Variants in HYAL4 observed in about 807,000 individuals in gnomAD.
HYAL4 encodes the protein hyaluronidase-4.
Under a neutral mutation model 35.2 loss-of-function variants are expected in HYAL4, and 37 were observed. That is an observed-to-expected ratio of 1.05 (90% CI 0.81 to 1.38). HYAL4 has a LOEUF of 1.38. HYAL4 is among the 40% of genes most tolerant of loss of function. The pLI is 0.00. For missense variants in HYAL4, 572 were observed against 572.4 expected (o/e 1.00, Z 0.01); for synonymous variants, 198 against 203.2 (o/e 0.97, Z 0.22).
chr7:123,814,694 T>G, the HYAL4 span: 3 of 152,608 alleles, frequency 2.0e-5, no homozygotes, highest in Non-Finnish European at 4.4e-5. Context: ...TGGAAAAAAT[T>G]TCATGAACAT....
At chr7:123,821,992 C>G in the HYAL4 span, among the ~76,000 whole-genome samples, 1 of 152,068 alleles carries the variant, frequency 6.6e-6, no homozygotes, top group Admixed American at 6.6e-5. Flanking sequence ...CTATTCTGTT[C>G]CTGTGACTTG....
At chr7:123,864,477 C>G (rs1308976469) in intron 2 of HYAL4, among the ~76,000 whole-genome samples, 1 of 152,062 alleles carries the variant, frequency 6.6e-6, no homozygotes, top group Non-Finnish European at 1.5e-5. Context: ...TTTACAGGAG[C>G]ACATTTGCCT....
chr7:123,838,021 TG>T (rs1454498936), intron 1 of HYAL4, among the ~76,000 whole-genome samples: 1 of 152,180 alleles, frequency 6.6e-6, no homozygotes, highest in Non-Finnish European at 1.5e-5. Context: ...TATAATCCTT[TG>T]GGTATACACC....
At chr7:123,855,104 G>T (rs539585332) in intron 2 of HYAL4, among the ~76,000 whole-genome samples, 1 of 152,030 alleles carries the variant, frequency 6.6e-6, no homozygotes, top group Non-Finnish European at 1.5e-5. Context: ...GTCTTTACAC[G>T]TGTGATGGTT....
the HYAL4 span, among the ~76,000 whole-genome samples, chr7:123,806,992 A>G: frequency 6.6e-6 from 1 of 152,196 alleles, no homozygotes; most frequent in Admixed American, 6.5e-5. Context: ...GATGTCCTAC[A>G]GTTACCCCAG....
chr7:123,846,794 G>T (rs1486261961), intron 1 of HYAL4, among the ~76,000 whole-genome samples: 3 of 152,256 alleles, frequency 2.0e-5, no homozygotes, highest in South Asian at 2.1e-4. Flanking sequence ...CTTCCCAGGG[G>T]ACTCAGAGAG....
chr7:123,838,424 C>T (rs897000725), intron 1 of HYAL4, among the ~76,000 whole-genome samples: 8 of 151,810 alleles, frequency 5.3e-5, no homozygotes, highest in Non-Finnish European at 7.4e-5. Flanking sequence ...TCTAATATGA[C>T]GGACAACCCC....
the HYAL4 span, among the ~76,000 whole-genome samples, chr7:123,766,108 AT>A: frequency 6.6e-6 from 1 of 152,086 alleles, no homozygotes; most frequent in East Asian, 1.9e-4. Context: ...TCCTATTCCT[AT>A]AATTCCTAAT....
chr7:123,807,315 T>G, the HYAL4 span, among the ~76,000 whole-genome samples: 1 of 151,906 alleles, frequency 6.6e-6, no homozygotes, highest in Admixed American at 6.6e-5. Context: ...TTGAGAAAAC[T>G]AAAACCATAA....
upstream of HYAL4, among the ~76,000 whole-genome samples, chr7:123,842,584 A>T (rs1341061575): frequency 1.3e-5 from 2 of 151,878 alleles, no homozygotes; most frequent in Non-Finnish European, 2.9e-5. Context: ...TCTGTCTAAT[A>T]TTGACAGTGT....
the HYAL4 span, among the ~76,000 whole-genome samples, chr7:123,778,793 A>G: frequency 6.6e-6 from 1 of 152,186 alleles, no homozygotes; most frequent in African/African-American, 2.4e-5. Context: ...CACTTTGACA[A>G]TTGAAATATC....
intron 2 of HYAL4, among the ~76,000 whole-genome samples, chr7:123,851,950 G>T (rs1485417597): frequency 6.6e-6 from 1 of 152,160 alleles, no homozygotes; most frequent in Non-Finnish European, 1.5e-5. Context: ...GTGTGAGATG[G>T]TATCTCATTG....
In HYAL4 at chr7:123,852,600, T is replaced by C. The variant is rs867289169; in HGVS notation, c.-52+4442T>C. ...TGTTCTCTTCCATTGGTCTATATAT[T>C]TGTTTTGGTACCAGTACCATGCTGT... is the stretch of plus-strand genomic sequence containing the variant. On this transcript the variant is annotated intron_variant, in intron 2 of 4. Coordinates refer to ENST00000223026, the MANE Select transcript of HYAL4 (RefSeq NM_012269.3). Among the ~76,000 whole-genome samples, 8 of 152,126 alleles carry C rather than the reference T, an allele frequency of 5.3e-5. No homozygotes were observed. In the South Asian group the frequency reaches 6.2e-4, roughly 12 times the overall value.
At chr7:123,783,773 C>G in the HYAL4 span, among the ~76,000 whole-genome samples, 7 of 152,082 alleles carry the variant, frequency 4.6e-5, no homozygotes, top group Non-Finnish European at 2.9e-5. Context: ...AAGAAACGAC[C>G]TATGATTTTA....
chr7:123,804,490 T>G, the HYAL4 span, among the ~76,000 whole-genome samples: 1 of 152,208 alleles, frequency 6.6e-6, no homozygotes, highest in East Asian at 1.9e-4. Flanking sequence ...TTTGTCTATC[T>G]TTTTCTGTAT....
intron 1 of HYAL4, among the ~76,000 whole-genome samples, chr7:123,832,619 C>T (rs184574335): frequency 5.1e-4 from 76 of 149,662 alleles, no homozygotes; most frequent in African/African-American, 1.6e-3. Flanking sequence ...TCTGCCTCAG[C>T]CTCCCGAATA....
At chr7:123,794,916 G>A in the HYAL4 span, among the ~76,000 whole-genome samples, 4 of 152,188 alleles carry the variant, frequency 2.6e-5, no homozygotes, top group Non-Finnish European at 4.4e-5. Flanking sequence ...AGCTTGCACT[G>A]TGTGCCTGGA....
chr7:123,857,795 G>A (rs1385463942), intron 2 of HYAL4, among the ~76,000 whole-genome samples: 2 of 151,160 alleles, frequency 1.3e-5, no homozygotes, highest in East Asian at 1.9e-4. Flanking sequence ...TTTAAACCTG[G>A]TAATGATCAG....
intron 2 of HYAL4, among the ~76,000 whole-genome samples, chr7:123,852,739 T>A (rs1806340302): frequency 6.6e-6 from 1 of 152,184 alleles, no homozygotes; most frequent in South Asian, 2.1e-4. Context: ...TGGTTCCATA[T>A]GAAATTTAAA....
Sources: gnomAD v4.1 joint callset for allele counts (sites outside exome capture counted in the v4.1 genomes callset) on GRCh38, gnomAD v4.1.1 for gene constraint, MANE v1.5 for transcripts, NCBI Gene and HGNC (gene_info 2026-07-23, HGNC 2026-07-21) for gene names.